The following THOC2 variants were observed in gnomAD, a reference collection of about 807,000 sequenced individuals.
THOC2 encodes THO complex subunit 2, also known as THO complex 2.
A neutral mutation model predicts 128.4 loss-of-function variants in THOC2; 10 were observed. The observed-to-expected ratio is 0.08, with a 90% CI of 0.05 to 0.13. The LOEUF is 0.13. Ranked by LOEUF, THOC2 falls within the 10% of genes least tolerant of loss-of-function variation. The pLI is 1.00. For missense variants in THOC2, 535 were observed against 1,155.7 expected (o/e 0.46, Z 7.79); for synonymous variants, 393 against 396.9 (o/e 0.99, Z 0.12).
intron 18 of THOC2, among the ~76,000 whole-genome samples, chrX:123,636,939 T>C (rs1156635462): frequency 1.8e-5 from 2 of 111,810 alleles, no homozygotes; most frequent in Non-Finnish European, 3.8e-5. Flanking sequence ...CATGGGAATA[T>C]AAAAGAGGAG....
At chrX:123,685,145 G>A (rs997672543) in intron 8 of THOC2, among the ~76,000 whole-genome samples, 7 of 112,514 alleles carry the variant, frequency 6.2e-5, no homozygotes, top group Non-Finnish European at 1.9e-5. Context: ...CAATTAGTGA[G>A]CATTTACTAT....
chrX:123,654,530 C>T (rs1458777807), intron 12 of THOC2, among the ~76,000 whole-genome samples: 4 of 107,197 alleles, frequency 3.7e-5, no homozygotes, highest in South Asian at 4.1e-4. Flanking sequence ...GCTGAGACCA[C>T]GGATCACGAG....
intron 36 of THOC2, among the ~76,000 whole-genome samples, chrX:123,612,902 C>T (rs988390121): frequency 6.3e-5 from 7 of 111,240 alleles, no homozygotes; most frequent in Non-Finnish European, 1.3e-4. Flanking sequence ...TAAATATCAA[C>T]CATTAATATG....
At chrX:123,659,646 A>T (rs2048750263) in intron 12 of THOC2, among the ~76,000 whole-genome samples, 1 of 112,653 alleles carries the variant, frequency 8.9e-6, no homozygotes, top group African/African-American at 3.2e-5. Flanking sequence ...CTGTACTAGG[A>T]GTTAGTCCTA....
At chrX:123,731,103 G>A (rs1293862166) in intron 1 of THOC2, among the ~76,000 whole-genome samples, 1 of 112,307 alleles carries the variant, frequency 8.9e-6, no homozygotes, top group African/African-American at 3.2e-5. Context: ...CCCTAATATC[G>A]ATGAAGATGA....
chrX:123,629,246 C>CACACACACACAT (rs941408462), intron 22 of THOC2, among the ~76,000 whole-genome samples: 3 of 102,036 alleles, frequency 2.9e-5, no homozygotes, highest in Admixed American at 1.1e-4. Flanking sequence ...CACACACACA[C>CACACACACACAT]ATATATATGA....
chrX:123,640,087 T>C (rs1170109288), intron 16 of THOC2, among the ~76,000 whole-genome samples: 1 of 111,638 alleles, frequency 9.0e-6, no homozygotes, highest in African/African-American at 3.3e-5. Flanking sequence ...CTTGGGAGGC[T>C]GAGGCAGGAG....
intron 12 of THOC2, among the ~76,000 whole-genome samples, chrX:123,647,840 CAAAAA>C (rs60123342): frequency 8.0e-5 from 3 of 37,516 alleles, no homozygotes; most frequent in Admixed American, 4.3e-4. Flanking sequence ...GACTCTGTCT[CAAAAA>C]AAAAAAAAAA....
chrX:123,669,500 G>C (rs2049179656), intron 9 of THOC2, among the ~76,000 whole-genome samples: 1 of 110,464 alleles, frequency 9.1e-6, no homozygotes, highest in Admixed American at 9.7e-5. Context: ...ACTTTTAGTA[G>C]AGATGGGATT....
chrX:123,620,371 T>C (rs1373652303), intron 32 of THOC2: 1 of 111,963 alleles, frequency 8.9e-6, no homozygotes, highest in Non-Finnish European at 1.9e-5. Flanking sequence ...AGCTGCATGC[T>C]CACTGAATAT....
intron 12 of THOC2, 60 bp downstream of exon 12, chrX:123,665,582 C>T (rs751828128): frequency 1.3e-6 from 1 of 778,115 alleles, no homozygotes; most frequent in African/African-American, 2.1e-5. Flanking sequence ...ACTCATAACA[C>T]AAGTATACTC....
intron 8 of THOC2, among the ~76,000 whole-genome samples, chrX:123,685,735 A>G (rs1265741595): frequency 1.8e-5 from 2 of 111,984 alleles, no homozygotes; most frequent in African/African-American, 6.5e-5. Context: ...AGGTCTCTTT[A>G]AGAAAGCAAC....
intron 25 of THOC2, among the ~76,000 whole-genome samples, chrX:123,625,268 A>AT (rs1332448019): frequency 7.0e-4 from 72 of 102,542 alleles, no homozygotes; most frequent in South Asian, 1.3e-3. Context: ...ATTTTTTTGT[A>AT]TTTTTTTTTT....
At position 123,640,127 on chromosome X, in the gene THOC2, C is replaced by T. The variant is rs369331937; in HGVS notation, c.1746+411G>A. 3.5e-4 allele frequency among the ~76,000 whole-genome samples: 39 copies of T among 111,327 alleles called. 1 individual carries two copies. The East Asian group carries it at 7.0e-3, about 20-fold the overall frequency. Reference sequence around the variant, plus strand: ...GCTTGAACCCGGGAGGCAGAGGTTGCGGTGAGCCAAGATCGGGTCACTGCA... The same window carrying T: ...GCTTGAACCCGGGAGGCAGAGGTTGTGGTGAGCCAAGATCGGGTCACTGCA... On this transcript the variant is annotated intron_variant, in intron 16 of 38. Transcript: ENST00000245838.
intron 19 of THOC2, 74 bp from the exon 20 acceptor site, chrX:123,634,144 T>C (rs1209469671): frequency 7.1e-6 from 4 of 561,565 alleles, no homozygotes; most frequent in Non-Finnish European, 1.1e-5. Flanking sequence ...TTGTAATTAA[T>C]ATACTGAGAA....
intron 3 of THOC2, among the ~76,000 whole-genome samples, chrX:123,704,525 CTTTAT>C (rs2050846589): frequency 9.0e-6 from 1 of 111,372 alleles, no homozygotes; most frequent in African/African-American, 3.3e-5. Flanking sequence ...TCAATATTCT[CTTTAT>C]TTTCTTTATT....
intron 4 of THOC2, among the ~76,000 whole-genome samples, chrX:123,700,886 C>A (rs5958286): frequency 1.1e-3 from 126 of 110,913 alleles, no homozygotes; most frequent in African/African-American, 4.0e-3. Context: ...TTATTGTCAT[C>A]ATCATCATCA....
At chrX:123,631,566 A>C in intron 22 of THOC2, 122 bp downstream of exon 22, 1 of 724,089 alleles carries the variant, frequency 1.4e-6, no homozygotes, top group Non-Finnish European at 2.1e-6. Context: ...GAAACAAAGA[A>C]GGGATCCTAG....
intron 8 of THOC2, among the ~76,000 whole-genome samples, chrX:123,684,985 A>G (rs962338946): frequency 1.8e-5 from 2 of 112,537 alleles, no homozygotes; most frequent in African/African-American, 6.5e-5. Context: ...AATCATAAAC[A>G]TTCAATGAAT....
Sources: gnomAD v4.1 joint callset for allele counts (sites outside exome capture counted in the v4.1 genomes callset) on GRCh38, gnomAD v4.1.1 for gene constraint, MANE v1.5 for transcripts, NCBI Gene and HGNC (gene_info 2026-07-23, HGNC 2026-07-21) for gene names.